The following SRL variants were observed in gnomAD, a reference collection of about 807,000 sequenced individuals.
The protein encoded by SRL is sarcalumenin.
In SRL, 23 loss-of-function variants were observed where a neutral mutation model predicts 39.5. The ratio of observed to expected loss-of-function variants is 0.58; its 90% CI spans 0.42 to 0.82. SRL has a LOEUF of 0.82. Among genes scored for constraint, SRL ranks in the 40% least tolerant of loss-of-function variants. SRL has a pLI of 0.00. For missense variants in SRL, 592 were observed against 607.8 expected (o/e 0.97, Z 0.27); for synonymous variants, 272 against 237.4 (o/e 1.15, Z -1.34).
At chr16:4,218,378 G>A (rs529048305) in intron 1 of SRL, among the ~76,000 whole-genome samples, 4 of 152,290 alleles carry the variant, frequency 2.6e-5, no homozygotes, top group South Asian at 2.1e-4. Flanking sequence ...AACACGGTCG[G>A]AGGGAGGTCA....
intron 1 of SRL, among the ~76,000 whole-genome samples, chr16:4,214,838 G>A (rs530536796): frequency 4.6e-5 from 7 of 151,626 alleles, no homozygotes; most frequent in African/African-American, 9.7e-5. Flanking sequence ...TGCGATCTTG[G>A]CTCACTGCAA....
At chr16:4,206,648 C>G in intron 1 of SRL, 1 of 456,234 alleles carries the variant, frequency 2.2e-6, no homozygotes, top group Non-Finnish European at 4.4e-6. Flanking sequence ...CTGTCCCTGC[C>G]TGTCCCCTAC....
intron 1 of SRL, among the ~76,000 whole-genome samples, chr16:4,239,324 C>T (rs1418897504): frequency 3.9e-5 from 6 of 152,096 alleles, no homozygotes; most frequent in East Asian, 1.9e-4. Flanking sequence ...TTGGGGTGGC[C>T]GGGTGGGGCC....
intron 2 of SRL, among the ~76,000 whole-genome samples, chr16:4,203,932 G>T (rs904117413): frequency 1.3e-5 from 2 of 152,366 alleles, no homozygotes; most frequent in East Asian, 3.9e-4. Context: ...ACACTCCCCG[G>T]AGGGGTGGGG....
intron 1 of SRL, among the ~76,000 whole-genome samples, chr16:4,218,790 A>G (rs1480591781): frequency 6.6e-6 from 1 of 152,244 alleles, no homozygotes; most frequent in Admixed American, 6.5e-5. Flanking sequence ...GGAAGACCAC[A>G]GAAGCCGGCG....
chr16:4,204,235 G>T (rs1330037331), intron 2 of SRL, among the ~76,000 whole-genome samples: 2 of 152,222 alleles, frequency 1.3e-5, no homozygotes, highest in East Asian at 3.8e-4. Context: ...CATCAGCACA[G>T]CATGGGGCTG....
At chr16:4,224,110 C>T (rs1016173741) in intron 1 of SRL, among the ~76,000 whole-genome samples, 7 of 151,956 alleles carry the variant, frequency 4.6e-5, no homozygotes, top group African/African-American at 1.7e-4. Flanking sequence ...AGCCCTGGGA[C>T]CCCGGGCATC....
chr16:4,202,288 G>C (rs1262832124), intron 3 of SRL, among the ~76,000 whole-genome samples: 3 of 152,198 alleles, frequency 2.0e-5, no homozygotes, highest in Admixed American at 6.5e-5. Flanking sequence ...TTCTCTGGGA[G>C]TCGAATTAAA....
At chr16:4,194,665 C>T (rs1227854202) in intron 5 of SRL, among the ~76,000 whole-genome samples, 1 of 152,158 alleles carries the variant, frequency 6.6e-6, no homozygotes, top group Non-Finnish European at 1.5e-5. Context: ...TTGAACCTCT[C>T]AGAGCTGCTT....
At chr16:4,226,978 A>G (rs2052597878) in intron 1 of SRL, among the ~76,000 whole-genome samples, 1 of 142,726 alleles carries the variant, frequency 7.0e-6, no homozygotes, top group South Asian at 2.4e-4. Flanking sequence ...GTGGATGAAT[A>G]GGTGTGTGGG....
intron 5 of SRL, among the ~76,000 whole-genome samples, chr16:4,193,372 A>G (rs545762909): frequency 1.3e-5 from 2 of 152,356 alleles, no homozygotes; most frequent in Non-Finnish European, 2.9e-5. Flanking sequence ...CAAGTTTCCA[A>G]GAAAGCTAAA....
intron 1 of SRL, among the ~76,000 whole-genome samples, chr16:4,215,461 G>A (rs1229933616): frequency 6.6e-6 from 1 of 152,342 alleles, no homozygotes; most frequent in South Asian, 2.1e-4. Context: ...GGTCCAGAGA[G>A]ATCTTCTGAT....
chr16:4,218,036 G>C (rs778905522), intron 1 of SRL, among the ~76,000 whole-genome samples: 1 of 152,168 alleles, frequency 6.6e-6, no homozygotes, highest in African/African-American at 2.4e-5. Flanking sequence ...GTCTGGGAAC[G>C]GAGCAGGCTG....
At chr16:4,205,745 T>G (rs1386694527) in intron 1 of SRL, among the ~76,000 whole-genome samples, 1 of 151,890 alleles carries the variant, frequency 6.6e-6, no homozygotes, top group African/African-American at 2.4e-5. Flanking sequence ...GGGCTTTGGG[T>G]TTCATCCCAA....
intron 1 of SRL, among the ~76,000 whole-genome samples, chr16:4,213,973 G>A (rs1567182619): frequency 6.6e-6 from 1 of 152,156 alleles, no homozygotes; most frequent in Non-Finnish European, 1.5e-5. Flanking sequence ...AGCTCCCTGG[G>A]AGCGACCATG....
chr16:4,229,361 G>A (rs1028198764), intron 1 of SRL, among the ~76,000 whole-genome samples: 6 of 151,706 alleles, frequency 4.0e-5, no homozygotes, highest in Admixed American at 6.6e-5. Flanking sequence ...GGAGAATGGC[G>A]TGAACATGAA....
At chr16:4,203,344 C>T in intron 2 of SRL, 83 bp from the exon 3 acceptor site, 2 of 1,126,376 alleles carry the variant, frequency 1.8e-6, no homozygotes, top group Non-Finnish European at 2.7e-6. Flanking sequence ...CCTCACCACC[C>T]AGGGCAGCTC....
At chr16:4,232,569 G>A (rs1348226997) in intron 1 of SRL, among the ~76,000 whole-genome samples, 4 of 151,922 alleles carry the variant, frequency 2.6e-5, no homozygotes, top group East Asian at 3.9e-4. Context: ...GGAGTGCACT[G>A]GCACAATTAC....
chr16:4,221,623 C>G (rs1216122160), intron 1 of SRL, among the ~76,000 whole-genome samples: 2 of 152,228 alleles, frequency 1.3e-5, no homozygotes, highest in Admixed American at 6.5e-5. Flanking sequence ...AGGCCCAGAT[C>G]CCTGCACTGA....
Sources: gnomAD v4.1 joint callset for allele counts (sites outside exome capture counted in the v4.1 genomes callset) on GRCh38, gnomAD v4.1.1 for gene constraint, MANE v1.5 for transcripts, NCBI Gene and HGNC (gene_info 2026-07-23, HGNC 2026-07-21) for gene names.